The following ACVR2A variants were observed in gnomAD, a reference collection of about 807,000 sequenced individuals.
ACVR2A encodes activin receptor type-2A.
ACVR2A carries 7 observed loss-of-function variants against 61.4 expected under a neutral mutation model. That is an observed-to-expected ratio of 0.11 (90% CI 0.06 to 0.21). The LOEUF is 0.21. Among genes scored for constraint, ACVR2A ranks in the 10% least tolerant of loss-of-function variants. ACVR2A has a pLI of 1.00. For missense variants in ACVR2A, 322 were observed against 621.7 expected (o/e 0.52, Z 5.13); for synonymous variants, 193 against 208.3 (o/e 0.93, Z 0.63).
intron 1 of ACVR2A, among the ~76,000 whole-genome samples, chr2:147,869,734 CAAAG>C (rs1481689652): frequency 6.6e-6 from 1 of 151,910 alleles, no homozygotes; most frequent in Non-Finnish European, 1.5e-5. Context: ...AAATCCAGGA[CAAAG>C]AAAAATCAAG....
chr2:147,920,431 A>C, intron 8 of ACVR2A, 87 bp downstream of exon 8: 1 of 1,019,942 alleles, frequency 9.8e-7, no homozygotes, highest in Non-Finnish European at 1.5e-6. Flanking sequence ...ATTAGTCTAA[A>C]ATTGTTGTGG....
chr2:147,919,624 G>A (rs1241981595), intron 7 of ACVR2A, among the ~76,000 whole-genome samples: 1 of 152,114 alleles, frequency 6.6e-6, no homozygotes, highest in East Asian at 1.9e-4. Flanking sequence ...GTTGAGACAG[G>A]TGTGTAGAAG....
chr2:147,901,591 T>C (rs867631979), intron 4 of ACVR2A, among the ~76,000 whole-genome samples: 3 of 152,088 alleles, frequency 2.0e-5, no homozygotes, highest in Admixed American at 6.6e-5. Flanking sequence ...ATATTTGTTA[T>C]GGTTAAAGTT....
intron 1 of ACVR2A, among the ~76,000 whole-genome samples, chr2:147,858,692 G>T (rs1685650228): frequency 6.6e-6 from 1 of 152,124 alleles, no homozygotes; most frequent in African/African-American, 2.4e-5. Context: ...TAGAATGGGG[G>T]TCCGCAGACA....
intron 7 of ACVR2A, 56 bp from the exon 8 acceptor site, chr2:147,920,174 A>C (rs1687345501): frequency 2.4e-6 from 3 of 1,229,644 alleles, no homozygotes; most frequent in African/African-American, 1.5e-5. Context: ...TTTCAATAAA[A>C]AATTTAAAAA....
At chr2:147,895,908 A>T (rs1427847026) in intron 1 of ACVR2A, among the ~76,000 whole-genome samples, 1 of 151,050 alleles carries the variant, frequency 6.6e-6, no homozygotes, top group Non-Finnish European at 1.5e-5. Context: ...AGTGATCCTT[A>T]CCCCTGAGTT....
chr2:147,886,904 T>A (rs1686453767), intron 1 of ACVR2A, among the ~76,000 whole-genome samples: 1 of 151,878 alleles, frequency 6.6e-6, no homozygotes. Flanking sequence ...TCTAAGCAAC[T>A]ATAACTGTAC....
chr2:147,903,323 A>G (rs1686915196), intron 4 of ACVR2A, among the ~76,000 whole-genome samples: 1 of 148,596 alleles, frequency 6.7e-6, no homozygotes, highest in Non-Finnish European at 1.5e-5. Flanking sequence ...TTCATCCTGG[A>G]TGAAAGCCTT....
intron 1 of ACVR2A, among the ~76,000 whole-genome samples, chr2:147,885,330 A>C (rs1686404395): frequency 6.6e-6 from 1 of 152,174 alleles, no homozygotes; most frequent in Admixed American, 6.5e-5. Flanking sequence ...TTTGGAGAAT[A>C]TAGAAGAGCT....
chr2:147,869,533 G>GT (rs1355047423), intron 1 of ACVR2A, among the ~76,000 whole-genome samples: 3 of 152,194 alleles, frequency 2.0e-5, no homozygotes, highest in Non-Finnish European at 2.9e-5. Context: ...AACATATAGG[G>GT]TAACAGCCAT....
intron 4 of ACVR2A, among the ~76,000 whole-genome samples, chr2:147,908,071 AAAGC>A (rs1399561399): frequency 1.3e-5 from 2 of 151,474 alleles, no homozygotes; most frequent in African/African-American, 2.4e-5. Flanking sequence ...AAAGAAAAAA[AAAGC>A]AAAGTAGGAT....
intron 1 of ACVR2A, among the ~76,000 whole-genome samples, chr2:147,858,328 A>C (rs368773589): frequency 1.3e-5 from 2 of 152,134 alleles, no homozygotes; most frequent in East Asian, 3.9e-4. Flanking sequence ...CGAATTCAGA[A>C]TTTGTGATGC....
chr2:147,893,327 A>G (rs1686636529), intron 1 of ACVR2A, among the ~76,000 whole-genome samples: 1 of 152,220 alleles, frequency 6.6e-6, no homozygotes, highest in Non-Finnish European at 1.5e-5. Context: ...TTATCAATAA[A>G]GCCACTCTGA....
intron 1 of ACVR2A, among the ~76,000 whole-genome samples, chr2:147,889,188 A>G (rs953552644): frequency 2.0e-5 from 3 of 152,112 alleles, no homozygotes; most frequent in African/African-American, 4.8e-5. Context: ...ACTTTTAAAA[A>G]ATATATTGTT....
intron 4 of ACVR2A, among the ~76,000 whole-genome samples, chr2:147,900,842 A>G (rs1401175160): frequency 6.6e-6 from 1 of 152,048 alleles, no homozygotes; most frequent in Non-Finnish European, 1.5e-5. Flanking sequence ...AAAACTTGAT[A>G]GAAAAAAATG....
intron 4 of ACVR2A, among the ~76,000 whole-genome samples, chr2:147,906,280 A>G (rs1455913062): frequency 6.6e-6 from 1 of 151,880 alleles, no homozygotes; most frequent in Non-Finnish European, 1.5e-5. Flanking sequence ...CAGGGTTTTC[A>G]TTTTTGCTTA....
At chr2:147,894,307 C>T (rs1022696689) in intron 1 of ACVR2A, among the ~76,000 whole-genome samples, 1 of 152,086 alleles carries the variant, frequency 6.6e-6, no homozygotes, top group African/African-American at 2.4e-5. Flanking sequence ...AGTATGAATT[C>T]TCCTTTGTAC....
In ACVR2A at chr2:147,885,413, G is replaced by A. The variant is rs1038478827; in HGVS notation, c.56-10888G>A. On this transcript the variant is annotated intron_variant, in intron 1 of 10. Coordinates refer to ENST00000241416, the MANE Select transcript of ACVR2A (RefSeq NM_001616.5). ...CTGAGGGAATAGATAAAAGGGTATA[G>A]TAAAAAGTTTAAACAAATTAGAAAT... is the stretch of plus-strand genomic sequence containing the variant. Among the ~76,000 whole-genome samples, 8 of 152,238 alleles carry A rather than the reference G, an allele frequency of 5.3e-5. No individual in the cohort carries two copies. The South Asian group carries it at 6.2e-4, about 12-fold the overall frequency.
chr2:147,911,702 C>T (rs1017952916), intron 4 of ACVR2A, among the ~76,000 whole-genome samples: 5 of 151,906 alleles, frequency 3.3e-5, no homozygotes, highest in Non-Finnish European at 5.9e-5. Flanking sequence ...AAAGGGTTCT[C>T]CCTCACCCAG....
Sources: allele counts gnomAD v4.1 joint callset (sites outside exome capture counted in the v4.1 genomes callset), GRCh38; gene constraint gnomAD v4.1.1; transcripts MANE v1.5; gene names NCBI Gene and HGNC (gene_info 2026-07-23, HGNC 2026-07-21).